SAV1: variants seen among roughly 807,000 people sequenced by gnomAD.
SAV1 encodes the protein protein salvador homolog 1.
A neutral mutation model predicts 47.3 loss-of-function variants in SAV1; 23 were observed. That is an observed-to-expected ratio of 0.49 (90% CI 0.35 to 0.69). SAV1 has a LOEUF of 0.69. Among genes scored for constraint, SAV1 ranks in the 30% least tolerant of loss-of-function variants. The pLI, the probability that SAV1 is intolerant of heterozygous loss-of-function variation, is 0.01. For synonymous variants in SAV1, 155 were observed against 159.2 expected, an observed-to-expected ratio of 0.97 and a Z score of 0.20; for missense variants, 448 against 457.4, an observed-to-expected ratio of 0.98 and a Z score of 0.19.
intron 2 of SAV1, among the ~76,000 whole-genome samples, chr14:50,660,929 G>A (rs1016490600): frequency 6.6e-6 from 1 of 152,160 alleles, no homozygotes; most frequent in Non-Finnish European, 1.5e-5. Flanking sequence ...GGGAGTGCAG[G>A]TATTTCTTTG....
At chr14:50,642,722 A>C (rs2039690619) in intron 3 of SAV1, among the ~76,000 whole-genome samples, 1 of 152,214 alleles carries the variant, frequency 6.6e-6, no homozygotes, top group Non-Finnish European at 1.5e-5. Flanking sequence ...CTGTTTACTA[A>C]ACTGGGATTA....
intron 4 of SAV1, among the ~76,000 whole-genome samples, chr14:50,637,382 C>T (rs1309356187): frequency 6.6e-6 from 1 of 152,028 alleles, no homozygotes; most frequent in Non-Finnish European, 1.5e-5. Flanking sequence ...TTTATGTGCT[C>T]CTTGGAAACA....
chr14:50,650,445 G>C (rs2039758510), intron 2 of SAV1, among the ~76,000 whole-genome samples: 1 of 152,194 alleles, frequency 6.6e-6, no homozygotes, highest in Admixed American at 6.5e-5. Context: ...ATATGTAGTA[G>C]CCAGCCAGTA....
chr14:50,646,656 T>A (rs187403733), intron 2 of SAV1, among the ~76,000 whole-genome samples: 1 of 128,368 alleles, frequency 7.8e-6, no homozygotes, highest in Non-Finnish European at 1.6e-5. Flanking sequence ...TTACACTCCA[T>A]CCTGGGCGAC....
At position 50,667,978 on chromosome 14, in the gene SAV1, G is replaced by T. The variant is rs896431683; in HGVS notation, c.-11C>A. ...CTTTCGGGACAGCATCCTTCTCGAC[G>T]AGGCCCGAGGCCGCGCTGAACTGCC... is the stretch of plus-strand genomic sequence containing the variant. On this transcript the variant is annotated 5_prime_UTR_variant, in exon 1 of 5. Coordinates refer to ENST00000324679, the MANE Select transcript of SAV1 (RefSeq NM_021818.4). 3 of 1,605,310 alleles carry T rather than the reference G, an allele frequency of 1.9e-6. No individual in the cohort carries two copies. The highest frequency in any genetic ancestry group is 2.6e-6 in the Non-Finnish European group (3 of 1,176,316).
chr14:50,640,008 C>G (rs1457255434), intron 4 of SAV1, among the ~76,000 whole-genome samples: 1 of 152,070 alleles, frequency 6.6e-6, no homozygotes, highest in African/African-American at 2.4e-5. Flanking sequence ...CAGTCAGGGT[C>G]TCTCATGCTC....
At chr14:50,657,029 T>TTC (rs1455968341) in intron 2 of SAV1, among the ~76,000 whole-genome samples, 2 of 149,946 alleles carry the variant, frequency 1.3e-5, no homozygotes, top group African/African-American at 4.9e-5. Context: ...ACTCACTTTT[T>TTC]TTTTTTTTTT....
rs376107658 is a variant in SAV1, at chr14:50,645,387, T to G, written c.536-373A>C. Among the ~76,000 whole-genome samples, 3 of 152,318 alleles carry G rather than the reference T, an allele frequency of 2.0e-5. No individual in the cohort carries two copies. In the East Asian group the frequency reaches 5.8e-4, roughly 29 times the overall value. ...GCAGAAAATTCCACACCTGACCTTA[T>G]GTGATGAGTCATAGTCAAAATTCAG... is the stretch of plus-strand genomic sequence containing the variant. On this transcript the variant is annotated intron_variant, in intron 2 of 4. Coordinates refer to ENST00000324679, the MANE Select transcript of SAV1 (RefSeq NM_021818.4).
chr14:50,664,372 T>G (rs1157529512), intron 2 of SAV1: 1 of 152,200 alleles, frequency 6.6e-6, no homozygotes, highest in Non-Finnish European at 1.5e-5. Context: ...CACATTTTAT[T>G]TTTATCCTGC....
chr14:50,648,576 G>C (rs540487735), intron 2 of SAV1, among the ~76,000 whole-genome samples: 4 of 152,190 alleles, frequency 2.6e-5, no homozygotes, highest in Admixed American at 2.6e-4. Flanking sequence ...TCAGGAGATC[G>C]AGACCATCCT....
At chr14:50,652,956 G>A (rs980218495) in intron 2 of SAV1, among the ~76,000 whole-genome samples, 14 of 152,100 alleles carry the variant, frequency 9.2e-5, no homozygotes, top group Admixed American at 5.9e-4. Flanking sequence ...GCTTGAACCC[G>A]GGAGGTGGAG....
chr14:50,647,975 C>T (rs2039736331), intron 2 of SAV1, among the ~76,000 whole-genome samples: 1 of 152,186 alleles, frequency 6.6e-6, no homozygotes, highest in African/African-American at 2.4e-5. Flanking sequence ...GTCATCTTCA[C>T]ACAAAATCCC....
chr14:50,666,551 A>G (rs538814523), intron 1 of SAV1, among the ~76,000 whole-genome samples: 21 of 152,332 alleles, frequency 1.4e-4, no homozygotes, highest in African/African-American at 4.6e-4. Context: ...ACTTGATGTA[A>G]CGACAACAAA....
At chr14:50,648,723 A>G (rs1401872127) in intron 2 of SAV1, among the ~76,000 whole-genome samples, 2 of 152,072 alleles carry the variant, frequency 1.3e-5, no homozygotes, top group Non-Finnish European at 2.9e-5. Context: ...GGTTGCAGTG[A>G]GCCGAGATTG....
At chr14:50,648,272 T>C (rs2039738714) in intron 2 of SAV1, among the ~76,000 whole-genome samples, 2 of 152,156 alleles carry the variant, frequency 1.3e-5, no homozygotes, top group African/African-American at 2.4e-5. Flanking sequence ...CAGTGATTGC[T>C]AGGAACTGGA....
intron 3 of SAV1, 28 bp from the exon 4 acceptor site, chr14:50,640,921 G>T: frequency 2.6e-6 from 4 of 1,551,330 alleles, no homozygotes; most frequent in Non-Finnish European, 3.5e-6. Context: ...ACATTCTTTA[G>T]GATAAAGGTC....
intron 2 of SAV1, among the ~76,000 whole-genome samples, chr14:50,651,014 T>A (rs1488597334): frequency 6.7e-6 from 1 of 149,370 alleles, no homozygotes; most frequent in Non-Finnish European, 1.5e-5. Flanking sequence ...AGAGAGAGAC[T>A]CTGTCTCCAA....
At chr14:50,644,458 T>C (rs530078144) in intron 3 of SAV1, among the ~76,000 whole-genome samples, 20 of 152,298 alleles carry the variant, frequency 1.3e-4, no homozygotes, top group Admixed American at 4.6e-4. Flanking sequence ...AATTATTTAA[T>C]TTTCTGGACA....
rs147005969 is a variant in SAV1 at position 50,665,297 on chromosome 14, A to C, written c.417T>G (p.Phe139Leu). The C allele has an allele frequency of 2.0e-3, 3,226 of 1,613,858 alleles. 13 individuals carry two copies. Among genetic ancestry groups the C allele is most frequent in the Non-Finnish European group, 2.1e-3 (2,532 of 1,179,808 alleles). The part of the protein sequence containing the change: ...SGSRYYYSDN[F>L]FDGQRKRPLG... ...GTGGCCGCTTTCTCTGACCATCAAAAAAATTGTCTGAATAATAATATCGGG... is the reference window on the plus strand; with the variant it reads ...GTGGCCGCTTTCTCTGACCATCAAACAAATTGTCTGAATAATAATATCGGG... The change falls in exon 2 of 5, where the codon TTT (phenylalanine) becomes TTG (leucine). Residue 139 changes from phenylalanine (F) to leucine (L), a missense_variant. Coordinates refer to ENST00000324679, the MANE Select transcript of SAV1 (RefSeq NM_021818.4).
Sources: allele counts gnomAD v4.1 joint callset (sites outside exome capture counted in the v4.1 genomes callset), GRCh38; gene constraint gnomAD v4.1.1; transcripts MANE v1.5; gene names NCBI Gene and HGNC (gene_info 2026-07-23, HGNC 2026-07-21).